The following SUSD1 variants were observed in gnomAD, a reference collection of about 807,000 sequenced individuals.
SUSD1 encodes sushi domain-containing protein 1.
Under a neutral mutation model 86.9 loss-of-function variants are expected in SUSD1, and 65 were observed. The ratio of observed to expected loss-of-function variants is 0.75; its 90% CI spans 0.61 to 0.92. The LOEUF (loss-of-function observed/expected upper bound fraction) is 0.92, where lower values mean the gene tolerates loss of function less well. SUSD1 is among the 40% of genes least tolerant of loss of function. SUSD1 has a pLI of 0.00. For synonymous variants in SUSD1, 346 were observed against 350.0 expected (o/e 0.99, Z 0.13); for missense variants, 850 against 929.7 (o/e 0.91, Z 1.11).
chr9:112,165,816 A>AAAAG (rs200916135), intron 1 of SUSD1, among the ~76,000 whole-genome samples: 6 of 148,848 alleles, frequency 4.0e-5, no homozygotes, highest in African/African-American at 1.0e-4. Context: ...GAGAGAGAGA[A>AAAAG]AAAGAAAGAA....
At chr9:112,085,171 A>ATT (rs1829925773) in intron 10 of SUSD1, among the ~76,000 whole-genome samples, 3 of 152,220 alleles carry the variant, frequency 2.0e-5, no homozygotes, top group Non-Finnish European at 4.4e-5. Context: ...AAAGCTAAGC[A>ATT]AATGGTATTG....
intron 10 of SUSD1, among the ~76,000 whole-genome samples, chr9:112,089,829 A>G (rs574372783): frequency 0.01 from 1,566 of 150,016 alleles, 12 homozygotes; most frequent in South Asian, 0.024. Context: ...AAAAAAAAAA[A>G]AAAGAAAAGA....
chr9:112,060,067 T>C (rs1217345861), intron 13 of SUSD1, among the ~76,000 whole-genome samples: 2 of 151,428 alleles, frequency 1.3e-5, no homozygotes, highest in South Asian at 2.1e-4. Context: ...CATTAGGCCA[T>C]GTAATTCTAT....
At chr9:112,054,034 G>C (rs1230435351) in intron 14 of SUSD1, among the ~76,000 whole-genome samples, 2 of 152,210 alleles carry the variant, frequency 1.3e-5, no homozygotes, top group Non-Finnish European at 2.9e-5. Flanking sequence ...ACAGGTTTCT[G>C]TCTTAGCAAT....
intron 12 of SUSD1, among the ~76,000 whole-genome samples, chr9:112,075,411 A>T (rs946280095): frequency 1.6e-4 from 20 of 124,390 alleles, no homozygotes; most frequent in Admixed American, 5.4e-4. Flanking sequence ...GAAAGAAAAT[A>T]AAAAAAAAAT....
intron 5 of SUSD1, among the ~76,000 whole-genome samples, chr9:112,125,262 C>T (rs1363010607): frequency 6.6e-6 from 1 of 152,030 alleles, no homozygotes; most frequent in Non-Finnish European, 1.5e-5. Flanking sequence ...TCTCCATAAT[C>T]GTTTAAATGT....
At chr9:112,105,583 G>T (rs1467747890) in intron 8 of SUSD1, among the ~76,000 whole-genome samples, 1 of 152,130 alleles carries the variant, frequency 6.6e-6, no homozygotes, top group Admixed American at 6.5e-5. Context: ...GCTGGGCATG[G>T]TGACACAAGC....
intron 2 of SUSD1, among the ~76,000 whole-genome samples, chr9:112,150,179 C>G (rs1268411289): frequency 1.3e-5 from 2 of 152,190 alleles, no homozygotes; most frequent in African/African-American, 4.8e-5. Context: ...GGTAAACTAC[C>G]AAGCAATGCT....
rs72322597 is a variant in SUSD1 at position 112,157,824 on chromosome 9, C to CT, written c.104-212dup. Among the ~76,000 whole-genome samples the CT allele has an allele frequency of 4.5e-3, 615 of 136,858 alleles. 5 individuals carry two copies. The highest frequency in any genetic ancestry group is 0.014 in the African/African-American group (493 of 36,332). 89.8% of individuals were successfully genotyped at this position (136,858 alleles called of 152,430 possible). Reference sequence around the variant, plus strand: ...TGTGTGGCAATGTCTTTCTTTCTTTCTTTTTTTTTTTTTTTTCAAGACATG... The same window carrying CT: ...TGTGTGGCAATGTCTTTCTTTCTTTCTTTTTTTTTTTTTTTTTCAAGACATG... On this transcript the variant is annotated intron_variant, in intron 1 of 16. Coordinates refer to ENST00000374270, the MANE Select transcript of SUSD1 (RefSeq NM_022486.5).
intron 10 of SUSD1, among the ~76,000 whole-genome samples, chr9:112,093,998 G>A (rs886207342): frequency 1.3e-5 from 2 of 152,002 alleles, no homozygotes; most frequent in African/African-American, 2.4e-5. Flanking sequence ...GACATTGCCC[G>A]GAAGTAGCTA....
At chr9:112,078,859 G>C in intron 11 of SUSD1, 135 bp from the exon 12 acceptor site, 5 of 690,424 alleles carry the variant, frequency 7.2e-6, no homozygotes, top group Non-Finnish European at 1.1e-5. Flanking sequence ...TGTCACCCAT[G>C]CTGGAGTGCA....
chr9:112,103,343 T>C (rs1022221801), intron 8 of SUSD1, among the ~76,000 whole-genome samples: 1 of 152,240 alleles, frequency 6.6e-6, no homozygotes, highest in African/African-American at 2.4e-5. Context: ...ATATGTGCTC[T>C]CCTTTGTCTT....
chr9:112,170,710 T>TATATATATATATATAGAG (rs758442726), intron 1 of SUSD1, among the ~76,000 whole-genome samples: 40 of 113,816 alleles, frequency 3.5e-4, no homozygotes, highest in African/African-American at 1.2e-3. Flanking sequence ...TATATATATA[T>TATATATATATATATAGAG]AGAGAGAGAG....
intron 1 of SUSD1, among the ~76,000 whole-genome samples, chr9:112,158,865 T>C (rs1452827503): frequency 6.6e-6 from 1 of 152,204 alleles, no homozygotes; most frequent in South Asian, 2.1e-4. Context: ...TTTGCCCATA[T>C]GTTATGATGG....
chr9:112,067,482 G>A (rs1005465257), intron 12 of SUSD1, among the ~76,000 whole-genome samples: 21 of 152,238 alleles, frequency 1.4e-4, no homozygotes, highest in Non-Finnish European at 2.5e-4. Flanking sequence ...TGCATCCAGC[G>A]CCTTGGTATT....
intron 12 of SUSD1, among the ~76,000 whole-genome samples, chr9:112,069,235 G>C (rs1413053288): frequency 6.6e-6 from 1 of 152,090 alleles, no homozygotes; most frequent in African/African-American, 2.4e-5. Flanking sequence ...GTTAGGTCTA[G>C]AATTTCTCCC....
chr9:112,101,326 C>T (rs1018917897), intron 9 of SUSD1, among the ~76,000 whole-genome samples: 2 of 151,982 alleles, frequency 1.3e-5, no homozygotes, highest in African/African-American at 4.8e-5. Context: ...CGCCTCCCTG[C>T]ACTCCAACCT....
chr9:112,123,656 T>C (rs1368871711), intron 6 of SUSD1, among the ~76,000 whole-genome samples: 1 of 151,824 alleles, frequency 6.6e-6, no homozygotes, highest in Non-Finnish European at 1.5e-5. Context: ...AAAAATTAGC[T>C]GGGCATGGTG....
intron 15 of SUSD1, among the ~76,000 whole-genome samples, chr9:112,044,834 A>AT (rs1278301325): frequency 6.6e-6 from 1 of 152,244 alleles, no homozygotes; most frequent in African/African-American, 2.4e-5. Context: ...TTCTTATACC[A>AT]AAAACTACCA....
Sources: allele counts gnomAD v4.1 joint callset (sites outside exome capture counted in the v4.1 genomes callset), GRCh38; gene constraint gnomAD v4.1.1; transcripts MANE v1.5; gene names NCBI Gene and HGNC (gene_info 2026-07-23, HGNC 2026-07-21).